Variants in NCAM1 observed in about 807,000 individuals in gnomAD.
NCAM1 encodes antigen recognized by monoclonal antibody 5.1H11.
Under a neutral mutation model 109.8 loss-of-function variants are expected in NCAM1, and 14 were observed. That is an observed-to-expected ratio of 0.13 (90% CI 0.08 to 0.20). NCAM1 has a LOEUF of 0.20. NCAM1 is among the 10% of genes least tolerant of loss of function. NCAM1 has a pLI of 1.00. For synonymous variants in NCAM1, 418 were observed against 442.9 expected (o/e 0.94, Z 0.70); for missense variants, 774 against 1,109.9 (o/e 0.70, Z 4.30).
At chr11:113,240,954 T>C (rs1945307383) in intron 14 of NCAM1, 2 of 1,078,036 alleles carry the variant, frequency 1.9e-6, no homozygotes, top group South Asian at 2.6e-5. Context: ...GAAAGCAGCG[T>C]CGGGTTTTAG....
Position 112,961,430 on chromosome 11 carries a change from CGATCAGCGCGTGAA to C in NCAM1, c.-182_-169del, listed in dbSNP as rs782246289. ...GAGGCTGGGACTGTCACTCATTCTCCGATCAGCGCGTGAACGCAGCTCGGCTGCCGCTGGCAGGA... is the reference window on the plus strand; with the variant it reads ...GAGGCTGGGACTGTCACTCATTCTCCCGCAGCTCGGCTGCCGCTGGCAGGA... On this transcript the variant is annotated 5_prime_UTR_variant, in exon 1 of 20. Transcript: ENST00000316851. 1.3e-6 allele frequency: 1 copy of C among 762,298 alleles called. No individual in the cohort carries two copies. The highest frequency in any genetic ancestry group is 2.4e-6 in the Non-Finnish European group (1 of 410,856). 47.2% of individuals were successfully genotyped at this position (762,298 alleles called of 1,614,324 possible). A position where few individuals can be genotyped will look rare whatever the true frequency, so the allele number is the denominator to read the frequency against.
At chr11:113,011,903 GA>G (rs199767746) in intron 1 of NCAM1, among the ~76,000 whole-genome samples, 2 of 151,036 alleles carry the variant, frequency 1.3e-5, no homozygotes, top group Non-Finnish European at 1.5e-5. Context: ...GACTGGTTTG[GA>G]AAAAAAAATT....
intron 1 of NCAM1, among the ~76,000 whole-genome samples, chr11:113,047,810 A>C (rs972416337): frequency 3.3e-5 from 5 of 152,110 alleles, no homozygotes; most frequent in African/African-American, 1.2e-4. Context: ...AAACCATCAG[A>C]TCTTGTGAGA....
At chr11:113,157,475 A>G (rs980686531) in intron 1 of NCAM1, among the ~76,000 whole-genome samples, 5 of 152,180 alleles carry the variant, frequency 3.3e-5, no homozygotes, top group African/African-American at 1.2e-4. Flanking sequence ...CATAATACAC[A>G]TACTAGTCAG....
At position 113,277,933 on chromosome 11, in the gene NCAM1, TTTATG is replaced by T. The variant is rs1417780124; in HGVS notation, c.*2550_*2554del. The T allele has an allele frequency of 6.6e-6, 1 of 152,200 alleles. No individual in the cohort carries two copies. The highest frequency in any genetic ancestry group is 1.5e-5 in the Non-Finnish European group (1 of 68,120). 9.4% of individuals were successfully genotyped at this position (152,200 alleles called of 1,614,324 possible). On this transcript the variant is annotated 3_prime_UTR_variant, in exon 20 of 20. Coordinates refer to ENST00000316851, the MANE Select transcript of NCAM1 (RefSeq NM_181351.5). Reference sequence around the variant, plus strand: ...CATTTTATTCCAAGATGTTTTATCTTTTATGTTAAGAGATCAAAGCTTATAATTTT... The same window carrying T: ...CATTTTATTCCAAGATGTTTTATCTTTTAAGAGATCAAAGCTTATAATTTT...
At chr11:113,097,099 G>A (rs1417126501) in intron 1 of NCAM1, among the ~76,000 whole-genome samples, 1 of 152,108 alleles carries the variant, frequency 6.6e-6, no homozygotes, top group African/African-American at 2.4e-5. Context: ...CATTTTATGT[G>A]GGACCAAACT....
chr11:113,252,799 C>CT (rs33948720), intron 15 of NCAM1, among the ~76,000 whole-genome samples: 6,348 of 39,612 alleles, frequency 0.16, 2,015 homozygotes, highest in Middle Eastern at 0.25. Context: ...CTATGCCCAG[C>CT]TTTTTTTTTT....
At chr11:113,143,193 C>G (rs1941893375) in intron 1 of NCAM1, among the ~76,000 whole-genome samples, 1 of 152,100 alleles carries the variant, frequency 6.6e-6, no homozygotes, top group Non-Finnish European at 1.5e-5. Flanking sequence ...ATTTTTTTCC[C>G]CAAACTAGGA....
intron 17 of NCAM1, among the ~76,000 whole-genome samples, chr11:113,265,666 G>A (rs1207342849): frequency 1.3e-5 from 2 of 152,190 alleles, no homozygotes; most frequent in Non-Finnish European, 2.9e-5. Context: ...CCTGAGACCA[G>A]CCATCTGTTT....
At chr11:113,076,131 A>G (rs1734004837) in intron 1 of NCAM1, among the ~76,000 whole-genome samples, 1 of 151,694 alleles carries the variant, frequency 6.6e-6, no homozygotes, top group Admixed American at 6.6e-5. Flanking sequence ...TGGCATGGCT[A>G]GGACTCGGGC....
At position 113,203,988 on chromosome 11, in the gene NCAM1, T is replaced by C. The variant is rs574273478; in HGVS notation, c.128-298T>C. Among the ~76,000 whole-genome samples the C allele has an allele frequency of 2.0e-5, 3 of 152,356 alleles. No individual in the cohort carries two copies. In the South Asian group the frequency reaches 6.2e-4, roughly 32 times the overall value. Reference sequence around the variant, plus strand: ...AGCTTAGTGCCCAGCACACAGTATGTTCTCAACAAGTATCTCTTCTCTTCC... The same window carrying C: ...AGCTTAGTGCCCAGCACACAGTATGCTCTCAACAAGTATCTCTTCTCTTCC... On this transcript the variant is annotated intron_variant, in intron 2 of 19. Coordinates refer to ENST00000316851, the MANE Select transcript of NCAM1 (RefSeq NM_181351.5).
chr11:113,198,061 A>G (rs1555111166), intron 1 of NCAM1, among the ~76,000 whole-genome samples: 1 of 152,204 alleles, frequency 6.6e-6, no homozygotes, highest in African/African-American at 2.4e-5. Flanking sequence ...CAGAAAACAC[A>G]TTTCAAAATC....
chr11:113,255,947 C>T lies in NCAM1; in HGVS notation c.1899C>T (p.Ile633=), dbSNP rs1320030974. 3 of 1,609,150 alleles carry T rather than the reference C, an allele frequency of 1.9e-6. No individual in the cohort carries two copies. The African/African-American group carries it at 4.0e-5, about 22-fold the overall frequency. Residue 633 remains isoleucine, a synonymous_variant, in exon 16 of 20, where the codon ATC becomes ATT. Transcript: ENST00000316851. ...GAAACTCTATTAAAGTGAACCTGAT[C>T]AAGCAGGATGACGGCGGCTCCCCCA... ...EDGNSIKVNL[I]KQDDGGSPIR...
At chr11:113,121,179 G>A (rs1940938016) in intron 1 of NCAM1, among the ~76,000 whole-genome samples, 1 of 150,110 alleles carries the variant, frequency 6.7e-6, no homozygotes, top group African/African-American at 2.5e-5. Context: ...GCATGTTAAA[G>A]TGCCATATTT....
At chr11:113,119,778 G>A (rs554262821) in intron 1 of NCAM1, among the ~76,000 whole-genome samples, 3 of 152,070 alleles carry the variant, frequency 2.0e-5, no homozygotes, top group African/African-American at 4.8e-5. Context: ...GTGCCTACAC[G>A]TTGAAATTTT....
intron 1 of NCAM1, among the ~76,000 whole-genome samples, chr11:113,163,678 T>C (rs782502818): frequency 6.6e-6 from 1 of 152,156 alleles, no homozygotes; most frequent in Non-Finnish European, 1.5e-5. Flanking sequence ...AGGAGCGTTC[T>C]GCTTGTTGGA....
intron 1 of NCAM1, among the ~76,000 whole-genome samples, chr11:113,119,758 T>C (rs1373003832): frequency 1.3e-5 from 2 of 152,134 alleles, no homozygotes; most frequent in East Asian, 3.9e-4. Flanking sequence ...GTTCAGCATG[T>C]CTCCTCTCTG....
At position 113,201,530 on chromosome 11, in the gene NCAM1, T is replaced by G. The variant is rs186252370; in HGVS notation, c.53-849T>G. 1.0e-3 allele frequency among the ~76,000 whole-genome samples: 157 copies of G among 152,326 alleles called. 1 individual carries two copies. The highest frequency in any genetic ancestry group is 3.6e-3 in the African/African-American group (150 of 41,580). The stretch of plus-strand genomic sequence containing the variant: ...AAAGCATTTTTCCACCTCGAAACTC[T>G]ATTTTCATGAGGAATGGTTGTCTGC... On this transcript the variant is annotated intron_variant, in intron 1 of 19. Transcript: ENST00000316851.
intron 13 of NCAM1, 66 bp from the exon 14 acceptor site, chr11:113,234,967 G>C (rs929904707): frequency 6.7e-7 from 1 of 1,493,028 alleles, no homozygotes; most frequent in Non-Finnish European, 9.0e-7. Flanking sequence ...CCTCCCTACT[G>C]TTTTTCAGAG....
Sources: allele counts gnomAD v4.1 joint callset (sites outside exome capture counted in the v4.1 genomes callset), GRCh38; gene constraint gnomAD v4.1.1; transcripts MANE v1.5; gene names NCBI Gene and HGNC (gene_info 2026-07-23, HGNC 2026-07-21).